The following SNED1 variants were observed in gnomAD, a reference collection of about 807,000 sequenced individuals.
SNED1 encodes the protein sushi, nidogen and EGF-like domain-containing protein 1.
Under a neutral mutation model 166.7 loss-of-function variants are expected in SNED1, and 81 were observed. That is an observed-to-expected ratio of 0.49 (90% CI 0.41 to 0.58). The LOEUF (loss-of-function observed/expected upper bound fraction) is 0.58, where lower values mean the gene tolerates loss of function less well. Among genes scored for constraint, SNED1 ranks in the 20% least tolerant of loss-of-function variants. The pLI, the probability that SNED1 is intolerant of heterozygous loss-of-function variation, is 0.00. For missense variants in SNED1, 1,604 were observed against 2,000.2 expected, an observed-to-expected ratio of 0.80 and a Z score of 3.78; for synonymous variants, 762 against 822.0, an observed-to-expected ratio of 0.93 and a Z score of 1.25.
At chr2:241,011,566 G>A (rs1022093422) in intron 1 of SNED1, among the ~76,000 whole-genome samples, 1 of 152,242 alleles carries the variant, frequency 6.6e-6, no homozygotes, top group Non-Finnish European at 1.5e-5. Flanking sequence ...TGGGAGACAG[G>A]CTAATCCTTT....
chr2:241,011,638 A>G (rs2060407705), intron 1 of SNED1, among the ~76,000 whole-genome samples: 1 of 152,226 alleles, frequency 6.6e-6, no homozygotes, highest in African/African-American at 2.4e-5. Flanking sequence ...TAGGCAAATA[A>G]CAATAATAGA....
intron 14 of SNED1, 35 bp downstream of exon 14, chr2:241,052,192 G>C (rs766096539): frequency 6.4e-7 from 1 of 1,573,382 alleles, no homozygotes; most frequent in Non-Finnish European, 8.7e-7. Context: ...AGGGCGGCCA[G>C]GGGTGAACCC....
chr2:241,081,913 G>A (rs2063346585), intron 28 of SNED1, 120 bp downstream of exon 28: 2 of 758,512 alleles, frequency 2.6e-6, no homozygotes, highest in South Asian at 1.6e-5. Flanking sequence ...GCCAGACAGG[G>A]AGTCTGGTGC....
chr2:241,076,813 C>T (rs998689281), intron 27 of SNED1, among the ~76,000 whole-genome samples: 3 of 151,718 alleles, frequency 2.0e-5, no homozygotes, highest in Non-Finnish European at 2.9e-5. Context: ...AGTCCAGGGC[C>T]GGGCGCAGTG....
rs2062342352 is a variant in SNED1 at position 241,064,156 on chromosome 2, C to T, written c.2599+31C>T. On this transcript the variant is annotated intron_variant, in intron 19 of 31. Coordinates refer to ENST00000310397, the MANE Select transcript of SNED1 (RefSeq NM_001080437.3). This position sits in a 1 kb window ranked among gnomAD's most constrained non-coding sequence, Gnocchi z 7.0. Reference sequence around the variant, plus strand: ...GCGGCAGGCCTGCCTGCTCCCCGCCCTCTGCCCGCCTGCTCCCCGCCCTCT... The same window carrying T: ...GCGGCAGGCCTGCCTGCTCCCCGCCTTCTGCCCGCCTGCTCCCCGCCCTCT... The T allele has an allele frequency of 7.1e-7, 1 of 1,401,836 alleles. No homozygotes were observed. Among genetic ancestry groups the T allele is most frequent in the African/African-American group, 1.6e-5 (1 of 61,972 alleles). 86.8% of individuals were successfully genotyped at this position (1,401,836 alleles called of 1,614,324 possible).
In SNED1 at chr2:241,049,154, A is replaced by G; in HGVS notation, c.1618+19A>G. 1 of 1,596,392 alleles carries G rather than the reference A, an allele frequency of 6.3e-7. No individual in the cohort carries two copies. The highest frequency in any genetic ancestry group is 8.6e-7 in the Non-Finnish European group (1 of 1,168,622). On this transcript the variant is annotated intron_variant, in intron 11 of 31. Transcript: ENST00000310397. ...AGCCACTGTGAGTAGCTCGGGGACG[A>G]GCCTGCTGGGCCGGGGGCCCGGACA...
Position 241,038,080 on chromosome 2 carries a change from A to G in SNED1, c.1045+727A>G, listed in dbSNP as rs112415050. Among the ~76,000 whole-genome samples, 323 of 111,974 alleles carry G rather than the reference A, an allele frequency of 2.9e-3. 2 individuals are homozygous for G. The highest frequency in any genetic ancestry group is 9.6e-3 in the African/African-American group (304 of 31,546). The allele number at this position is 111,974 out of a possible 152,430, so 73.5% of individuals were successfully genotyped here. A position where few individuals can be genotyped will look rare whatever the true frequency, so the allele number is the denominator to read the frequency against. On this transcript the variant is annotated intron_variant, in intron 6 of 31. Transcript: ENST00000310397. ...GTAAAGAAAGGTGGACCCCCCCCCA[A>G]TTCCTGCTCTCCATCTCACCATAGG...
rs141480672 is a variant in SNED1 at position 241,018,428 on chromosome 2, G to A, written c.214-11856G>A. 1.9e-3 allele frequency among the ~76,000 whole-genome samples: 282 copies of A among 152,320 alleles called. 5 individuals are homozygous for A. The East Asian group carries it at 0.039, about 21-fold the overall frequency. On this transcript the variant is annotated intron_variant, in intron 1 of 31. Transcript: ENST00000310397. This position sits in a 1 kb window ranked among gnomAD's most constrained non-coding sequence, Gnocchi z 5.4. ...ACTCAGGCAGGCCATGAGGCACCTT[G>A]CCAGGTGCTGGATTTAAGGGGCAAA...
intron 30 of SNED1, 116 bp downstream of exon 30, chr2:241,087,591 C>T (rs1157265018): frequency 4.1e-6 from 6 of 1,453,270 alleles, no homozygotes; most frequent in Non-Finnish European, 5.4e-6. Context: ...GCGGTCTACT[C>T]GCCCAGATAG....
intron 5 of SNED1, 122 bp from the exon 6 acceptor site, chr2:241,037,118 C>T (rs1445672514): frequency 9.7e-7 from 1 of 1,036,038 alleles, no homozygotes; most frequent in Admixed American, 2.2e-5. Flanking sequence ...GGTGCAGTTG[C>T]TGCCCTCTCT....
chr2:241,083,036 C>G (rs1333818346), intron 29 of SNED1, among the ~76,000 whole-genome samples: 1 of 152,068 alleles, frequency 6.6e-6, no homozygotes, highest in Non-Finnish European at 1.5e-5. Context: ...CTTCAGGACC[C>G]GTTCATTGCA....
In SNED1 at chr2:241,064,980, G is replaced by C. The variant is rs1470452312; in HGVS notation, c.2713+23G>C. 6.5e-7 allele frequency: 1 copy of C among 1,533,388 alleles called. No homozygotes were observed. Among genetic ancestry groups the C allele is most frequent in the Admixed American group, 2.1e-5 (1 of 46,654 alleles). 95.0% of individuals were successfully genotyped at this position (1,533,388 alleles called of 1,614,324 possible). A position where few individuals can be genotyped will look rare whatever the true frequency, so the allele number is the denominator to read the frequency against. On this transcript the variant is annotated intron_variant, in intron 20 of 31. Coordinates refer to ENST00000310397, the MANE Select transcript of SNED1 (RefSeq NM_001080437.3). This position sits in a 1 kb window ranked among gnomAD's most constrained non-coding sequence, Gnocchi z 7.0. ...AAGGTGGGTGGCGAGGGCGCCTCCA[G>C]TGAGGGAGCCACGAGGGGGTCCCCT...
upstream of SNED1, among the ~76,000 whole-genome samples, chr2:240,998,314 T>C (rs768094746): frequency 2.6e-5 from 4 of 152,120 alleles, no homozygotes; most frequent in Admixed American, 1.3e-4. Context: ...CCCCGCGTGA[T>C]GACACGCCTT....
At chr2:241,077,932 TA>T (rs1471947378) in intron 27 of SNED1, among the ~76,000 whole-genome samples, 6 of 152,130 alleles carry the variant, frequency 3.9e-5, no homozygotes, top group African/African-American at 1.4e-4. Flanking sequence ...CTTAAAGGAT[TA>T]AACCAATAGT....
intron 29 of SNED1, 43 bp downstream of exon 29, chr2:241,082,407 G>A: frequency 6.8e-7 from 1 of 1,475,832 alleles, no homozygotes; most frequent in Non-Finnish European, 9.5e-7. Context: ...TTTGTCGTGT[G>A]TTCTTGACTC....
chr2:241,016,008 C>T (rs2060571819), intron 1 of SNED1: 1 of 145,682 alleles, frequency 6.9e-6, no homozygotes, highest in South Asian at 2.2e-4. Flanking sequence ...ATATGATTTT[C>T]TCCTTTAATC....
chr2:241,067,871 G>C lies in SNED1; in HGVS notation c.3118G>C (p.Val1040Leu). 6.2e-7 allele frequency: 1 copy of C among 1,613,522 alleles called. No homozygotes were observed. The highest frequency in any genetic ancestry group is 1.7e-4 in the Middle Eastern group (1 of 6,060). Residue 1040 changes from valine (V) to leucine (L), a missense_variant, in exon 22 of 32, where the codon GTG (valine) becomes CTG (leucine). Val to Leu is a conservative substitution (Grantham distance 32, BLOSUM62 1). Around this residue, in one of 2 missense-constraint regions of SNED1, gnomAD observed 1,237 missense variants for 1,620.8 expected, o/e 0.76. Coordinates refer to ENST00000310397, the MANE Select transcript of SNED1 (RefSeq NM_001080437.3). ...CCATGCCACCGTCAGTGGGGTCCGT[G>C]TGTCCATCCGCCACCCTGAGGCCCT... ...IRHATVSGVR[V>L]SIRHPEALRD...
intron 2 of SNED1, among the ~76,000 whole-genome samples, chr2:241,031,632 C>T (rs138290028): frequency 5.9e-5 from 9 of 152,208 alleles, no homozygotes; most frequent in African/African-American, 2.2e-4. Flanking sequence ...CTTCATGCAT[C>T]TCCTCATTGC....
In SNED1 at chr2:240,998,624, G is replaced by A. The variant is rs1437532219; in HGVS notation, c.-214G>A. Among the ~76,000 whole-genome samples, 2 of 151,712 alleles carry A rather than the reference G, an allele frequency of 1.3e-5. No homozygotes were observed. The highest frequency in any genetic ancestry group is 2.1e-4 in the South Asian group (1 of 4,832). The stretch of plus-strand genomic sequence containing the variant: ...TGGCCCCAGGGGCGGGGCTGGCCCC[G>A]AACGCGGTCCCGCCCGGCGCTTTCC... On this transcript the variant is annotated 5_prime_UTR_variant, in exon 1 of 32. Coordinates refer to ENST00000310397, the MANE Select transcript of SNED1 (RefSeq NM_001080437.3).
Sources: gnomAD v4.1 joint callset for allele counts (sites outside exome capture counted in the v4.1 genomes callset) on GRCh38, gnomAD v4.1.1 for gene constraint, gnomAD v4.1.1 regional missense constraint, Gnocchi (gnomAD v3.1) non-coding constraint, MANE v1.5 for transcripts, NCBI Gene and HGNC (gene_info 2026-07-23, HGNC 2026-07-21) for gene names.